Variants in PAG1 observed in about 807,000 individuals in gnomAD.
PAG1 encodes phosphoprotein membrane anchor with glycosphingolipid microdomains 1.
Under a neutral mutation model 31.7 loss-of-function variants are expected in PAG1, and 23 were observed. That is an observed-to-expected ratio of 0.73 (90% CI 0.52 to 1.03). The LOEUF (loss-of-function observed/expected upper bound fraction) is 1.03. PAG1 is among the 50% of genes least tolerant of loss of function. The pLI is 0.00. For missense variants in PAG1, 473 were observed against 540.7 expected (o/e 0.87, Z 1.24); for synonymous variants, 214 against 210.3 (o/e 1.02, Z -0.15).
intron 7 of PAG1, among the ~76,000 whole-genome samples, chr8:80,981,048 A>G (rs1317779930): frequency 1.3e-5 from 2 of 152,066 alleles, no homozygotes; most frequent in Non-Finnish European, 2.9e-5. Context: ...ACAAACGTGT[A>G]CCCTTCTAAA....
intron 2 of PAG1, among the ~76,000 whole-genome samples, chr8:81,055,072 TTTC>T (rs1264148191): frequency 4.1e-5 from 6 of 145,962 alleles, no homozygotes; most frequent in African/African-American, 1.7e-4. Context: ...TTTCTTTTTT[TTTC>T]TTTTTTTTTT....
chr8:81,081,991 G>A (rs778296483), intron 1 of PAG1, among the ~76,000 whole-genome samples: 30 of 151,942 alleles, frequency 2.0e-4, no homozygotes, highest in Non-Finnish European at 3.5e-4. Context: ...GGTGGCTCAC[G>A]CCTGTAATCC....
intron 2 of PAG1, among the ~76,000 whole-genome samples, chr8:81,044,955 G>GCACCCT: frequency 6.6e-6 from 1 of 152,014 alleles, no homozygotes; most frequent in South Asian, 2.1e-4. Flanking sequence ...CCTTGTAAGT[G>GCACCCT]CCCCCTATGC....
intron 2 of PAG1, among the ~76,000 whole-genome samples, chr8:81,051,322 T>G (rs1032264140): frequency 1.3e-5 from 2 of 152,210 alleles, no homozygotes; most frequent in Admixed American, 6.5e-5. Context: ...CGACTTAAGA[T>G]TTTTGAAACC....
At chr8:81,057,725 A>G (rs536513143) in intron 2 of PAG1, among the ~76,000 whole-genome samples, 1 of 152,174 alleles carries the variant, frequency 6.6e-6, no homozygotes, top group South Asian at 2.1e-4. Flanking sequence ...TAAAAAAAAT[A>G]ACTGAGTATG....
At chr8:81,076,887 T>C (rs1316022226) in intron 1 of PAG1, among the ~76,000 whole-genome samples, 1 of 152,246 alleles carries the variant, frequency 6.6e-6, no homozygotes, top group African/African-American at 2.4e-5. Flanking sequence ...AAATATACTT[T>C]TGTAAAGCAT....
intron 1 of PAG1, among the ~76,000 whole-genome samples, chr8:81,099,765 T>C (rs569033962): frequency 1.3e-5 from 2 of 152,332 alleles, no homozygotes; most frequent in East Asian, 1.9e-4. Flanking sequence ...TTTGGGGTGA[T>C]AGAAAAGTCC....
intron 4 of PAG1, 64 bp downstream of exon 4, chr8:80,993,039 A>G (rs1807585583): frequency 1.4e-6 from 2 of 1,436,070 alleles, no homozygotes; most frequent in Non-Finnish European, 1.9e-6. Context: ...CTTTCCACAG[A>G]AACTCTTCTG....
chr8:81,017,547 G>A lies in PAG1; in HGVS notation c.-81+12449C>T, dbSNP rs77236277. ...AGGACAAACTCTCCTGGTATTTGTA[G>A]GATGGAGACTTAGGGCAAGCAACAC... is the stretch of plus-strand genomic sequence containing the variant. On this transcript the variant is annotated intron_variant, in intron 3 of 8. Transcript: ENST00000220597. 4.0e-3 allele frequency among the ~76,000 whole-genome samples: 616 copies of A among 152,310 alleles called. 4 individuals are homozygous for A. Among genetic ancestry groups the A allele is most frequent in the African/African-American group, 0.014 (575 of 41,566 alleles).
intron 2 of PAG1, among the ~76,000 whole-genome samples, chr8:81,063,439 C>G (rs1007563009): frequency 6.6e-6 from 1 of 152,226 alleles, no homozygotes; most frequent in South Asian, 2.1e-4. Flanking sequence ...CTCTGGCCAC[C>G]TGCAAGACAC....
At chr8:81,063,560 C>T (rs1808953210) in intron 2 of PAG1, among the ~76,000 whole-genome samples, 1 of 151,996 alleles carries the variant, frequency 6.6e-6, no homozygotes, top group Non-Finnish European at 1.5e-5. Context: ...GTACTAGAAC[C>T]TGTGGTTGAT....
At chr8:80,984,397 T>C (rs1807370838) in intron 7 of PAG1, among the ~76,000 whole-genome samples, 1 of 152,076 alleles carries the variant, frequency 6.6e-6, no homozygotes, top group African/African-American at 2.4e-5. Context: ...TTGGGGATCC[T>C]GGAAGGGGAA....
At chr8:81,100,643 G>T (rs1809594652) in intron 1 of PAG1, among the ~76,000 whole-genome samples, 1 of 152,188 alleles carries the variant, frequency 6.6e-6, no homozygotes, top group Admixed American at 6.5e-5. Flanking sequence ...ACCGATGGCG[G>T]ACGCATTTCA....
chr8:80,981,862 C>CTTTTTTTTTTTTTTT (rs57438015), intron 7 of PAG1, among the ~76,000 whole-genome samples: 1 of 103,426 alleles, frequency 9.7e-6, no homozygotes, highest in African/African-American at 5.0e-5. Context: ...ATCTCACTTC[C>CTTTTTTTTTTTTTTT]TTTTTTTTTT....
chr8:81,079,134 G>C (rs1445451033), intron 1 of PAG1, among the ~76,000 whole-genome samples: 1 of 151,996 alleles, frequency 6.6e-6, no homozygotes, highest in African/African-American at 2.4e-5. Context: ...AGAGTCTACA[G>C]ATTCCATCCC....
At chr8:81,059,032 G>A (rs1028353359) in intron 2 of PAG1, among the ~76,000 whole-genome samples, 4 of 152,098 alleles carry the variant, frequency 2.6e-5, no homozygotes, top group African/African-American at 9.6e-5. Flanking sequence ...CTGGGGGACT[G>A]GTTCCAGAAC....
chr8:81,057,045 G>A (rs1189155396), intron 2 of PAG1, among the ~76,000 whole-genome samples: 11 of 152,140 alleles, frequency 7.2e-5, no homozygotes, highest in East Asian at 1.9e-4. Flanking sequence ...AGTTAGAATG[G>A]CAATCATTAA....
chr8:81,066,114 C>T (rs575365312), intron 2 of PAG1, among the ~76,000 whole-genome samples: 50 of 152,332 alleles, frequency 3.3e-4, no homozygotes, highest in Admixed American at 3.3e-3. Context: ...CCTTCCGGAG[C>T]AAGCTGACAT....
At chr8:81,046,850 C>T (rs538147086) in intron 2 of PAG1, among the ~76,000 whole-genome samples, 11 of 152,282 alleles carry the variant, frequency 7.2e-5, no homozygotes, top group Non-Finnish European at 1.5e-4. Context: ...CTCCTACCCC[C>T]CAACCCTCCG....
Sources: gnomAD v4.1 joint callset for allele counts (sites outside exome capture counted in the v4.1 genomes callset) on GRCh38, gnomAD v4.1.1 for gene constraint, MANE v1.5 for transcripts, NCBI Gene and HGNC (gene_info 2026-07-23, HGNC 2026-07-21) for gene names.